TTC39B: variants seen among roughly 807,000 people sequenced by gnomAD.
The protein encoded by TTC39B is tetratricopeptide repeat protein 39B.
Under a neutral mutation model 96.6 loss-of-function variants are expected in TTC39B, and 92 were observed. The ratio of observed to expected loss-of-function variants is 0.95; its 90% confidence interval spans 0.80 to 1.13. The LOEUF is 1.13. Ranked by LOEUF, TTC39B falls within the 50% of genes most tolerant of loss-of-function variation. The pLI, the probability that TTC39B is intolerant of heterozygous loss-of-function variation, is 0.00. For missense variants in TTC39B, 955 were observed against 809.3 expected, an observed-to-expected ratio of 1.18 and a Z score of -2.18; for synonymous variants, 367 against 299.4, an observed-to-expected ratio of 1.23 and a Z score of -2.33.
At chr9:15,294,430 G>A (rs898728765) in intron 1 of TTC39B, among the ~76,000 whole-genome samples, 129 of 152,138 alleles carry the variant, frequency 8.5e-4, no homozygotes, top group African/African-American at 3.0e-3. Context: ...TTATGACATT[G>A]ACCAAAATGT....
intron 2 of TTC39B, among the ~76,000 whole-genome samples, chr9:15,255,543 A>G (rs1822721091): frequency 6.6e-6 from 1 of 151,994 alleles, no homozygotes; most frequent in African/African-American, 2.4e-5. Context: ...TTAGGTTCCT[A>G]TTTTTATCGT....
chr9:15,242,095 C>T (rs949839629), intron 2 of TTC39B, among the ~76,000 whole-genome samples: 1 of 152,050 alleles, frequency 6.6e-6, no homozygotes, highest in African/African-American at 2.4e-5. Flanking sequence ...AGAGTACAAA[C>T]TTCATAAAGG....
chr9:15,224,175 T>A (rs116149452), intron 3 of TTC39B, among the ~76,000 whole-genome samples: 1,591 of 152,278 alleles, frequency 0.01, 31 homozygotes, highest in African/African-American at 0.036. Context: ...CACCTCCCAC[T>A]GACCTTTAGC....
intron 3 of TTC39B, among the ~76,000 whole-genome samples, chr9:15,215,575 G>C (rs1469548478): frequency 6.7e-6 from 1 of 150,310 alleles, no homozygotes; most frequent in East Asian, 2.0e-4. Flanking sequence ...ATAAATAAAT[G>C]AGACAGGCAC....
At chr9:15,220,010 A>G (rs1028444905) in intron 3 of TTC39B, among the ~76,000 whole-genome samples, 9 of 152,216 alleles carry the variant, frequency 5.9e-5, no homozygotes, top group Non-Finnish European at 1.0e-4. Context: ...TTTGATCTCC[A>G]TACGTCTGAC....
At chr9:15,288,083 T>C (rs1824045396) in intron 1 of TTC39B, among the ~76,000 whole-genome samples, 1 of 152,178 alleles carries the variant, frequency 6.6e-6, no homozygotes, top group Non-Finnish European at 1.5e-5. Context: ...ATTTCTACCA[T>C]TTGTGAAATC....
intron 16 of TTC39B, chr9:15,183,487 G>C (rs571450136): frequency 2.9e-6 from 1 of 346,326 alleles, no homozygotes; most frequent in East Asian, 9.0e-5. Context: ...AAAAATCCCA[G>C]TACTAACATT....
At chr9:15,206,341 G>T (rs1001654243) in intron 6 of TTC39B, among the ~76,000 whole-genome samples, 1 of 152,170 alleles carries the variant, frequency 6.6e-6, no homozygotes, top group African/African-American at 2.4e-5. Context: ...ACTCAAGGAT[G>T]TAAATGAAAA....
chr9:15,196,858 A>G (rs994646095), intron 8 of TTC39B, among the ~76,000 whole-genome samples: 2 of 152,206 alleles, frequency 1.3e-5, no homozygotes, highest in African/African-American at 4.8e-5. Flanking sequence ...GGAAAAGTCA[A>G]TAGGTATGGC....
intron 2 of TTC39B, among the ~76,000 whole-genome samples, chr9:15,247,653 A>G (rs1427416596): frequency 2.0e-5 from 3 of 152,208 alleles, no homozygotes; most frequent in South Asian, 2.1e-4. Context: ...TAATCTGCCC[A>G]TAAGTGCAAT....
chr9:15,201,685 A>C (rs1013942168), intron 7 of TTC39B, among the ~76,000 whole-genome samples: 1 of 152,216 alleles, frequency 6.6e-6, no homozygotes, highest in African/African-American at 2.4e-5. Flanking sequence ...CAAGGAGTTA[A>C]GAAAGCTACC....
intron 2 of TTC39B, 120 bp from the exon 3 acceptor site, chr9:15,226,132 C>A: frequency 1.4e-6 from 1 of 723,760 alleles, no homozygotes; most frequent in Non-Finnish European, 2.1e-6. Context: ...ACCTCCATTT[C>A]TTATCAATTT....
chr9:15,212,743 G>A (rs556741131), intron 4 of TTC39B, among the ~76,000 whole-genome samples: 3 of 152,226 alleles, frequency 2.0e-5, no homozygotes, highest in South Asian at 2.1e-4. Flanking sequence ...TACAAAAATC[G>A]GAGACTAACC....
At chr9:15,188,777 T>G (rs1818685225) in intron 13 of TTC39B, among the ~76,000 whole-genome samples, 1 of 152,150 alleles carries the variant, frequency 6.6e-6, no homozygotes, top group African/African-American at 2.4e-5. Context: ...CAATCTTAAG[T>G]GAGGAGGACA....
At chr9:15,294,586 C>A (rs1180266396) in intron 1 of TTC39B, among the ~76,000 whole-genome samples, 1 of 152,204 alleles carries the variant, frequency 6.6e-6, no homozygotes, top group African/African-American at 2.4e-5. Context: ...GCCCTTTGAG[C>A]CCCTGTTTAC....
intron 1 of TTC39B, among the ~76,000 whole-genome samples, chr9:15,294,618 G>A (rs912894727): frequency 1.4e-4 from 21 of 152,072 alleles, no homozygotes; most frequent in African/African-American, 5.1e-4. Flanking sequence ...GTGTGAAGTG[G>A]TTTCCCCTCC....
At chr9:15,231,546 ACTTAT>A (rs1287412233) in intron 2 of TTC39B, among the ~76,000 whole-genome samples, 2 of 152,144 alleles carry the variant, frequency 1.3e-5, no homozygotes, top group Non-Finnish European at 2.9e-5. Context: ...TAATTGAGTT[ACTTAT>A]CTTTTTATTA....
At chr9:15,209,292 A>G (rs997952678) in intron 6 of TTC39B, among the ~76,000 whole-genome samples, 16 of 152,164 alleles carry the variant, frequency 1.1e-4, no homozygotes, top group African/African-American at 3.9e-4. Flanking sequence ...CACGTCAAGC[A>G]ATTGACAGCA....
rs556156327 is a variant in TTC39B at position 15,274,616 on chromosome 9, A to G, written c.241-6668T>C. On this transcript the variant is annotated intron_variant, in intron 1 of 19. Coordinates refer to ENST00000512701, the Ensembl canonical transcript of TTC39B. ...GAAAGAAAGCAATAGGGGCCCACAC[A>G]TTAGACACACTCACATTCCAAGTCC... Among the ~76,000 whole-genome samples the G allele has an allele frequency of 1.3e-4, 20 of 152,314 alleles. No homozygotes were observed. In the South Asian group the frequency reaches 4.1e-3, roughly 32 times the overall value.
Sources: gnomAD v4.1 joint callset for allele counts (sites outside exome capture counted in the v4.1 genomes callset) on GRCh38, gnomAD v4.1.1 for gene constraint, MANE v1.5 for transcripts, NCBI Gene and HGNC (gene_info 2026-07-23, HGNC 2026-07-21) for gene names.